Variants in MLLT3 observed in about 807,000 individuals in gnomAD.
MLLT3 encodes protein AF-9.
A neutral mutation model predicts 53.2 loss-of-function variants in MLLT3; 4 were observed. That is an observed-to-expected ratio of 0.08 (90% CI 0.04 to 0.17). The LOEUF is 0.17. Ranked by LOEUF, MLLT3 falls within the 10% of genes least tolerant of loss-of-function variation. The pLI is 1.00. For missense variants in MLLT3, 569 were observed against 684.0 expected (o/e 0.83, Z 1.87); for synonymous variants, 283 against 230.6 (o/e 1.23, Z -2.06).
At chr9:20,533,692 T>C (rs2118999635) in intron 2 of MLLT3, among the ~76,000 whole-genome samples, 1 of 152,322 alleles carries the variant, frequency 6.6e-6, no homozygotes, top group South Asian at 2.1e-4. Context: ...CTGTGATACA[T>C]ATAAGCAACA....
chr9:20,365,344 GTTTTC>G (rs1821423499), intron 6 of MLLT3, among the ~76,000 whole-genome samples: 2 of 151,826 alleles, frequency 1.3e-5, no homozygotes, highest in South Asian at 2.1e-4. Flanking sequence ...GTTTTGTTTT[GTTTTC>G]TTTTTTTTGA....
At chr9:20,576,377 TG>T (rs1396890016) in intron 2 of MLLT3, among the ~76,000 whole-genome samples, 3 of 152,226 alleles carry the variant, frequency 2.0e-5, no homozygotes, top group African/African-American at 7.2e-5. Flanking sequence ...GAACTTTTCC[TG>T]TGCATTCTTA....
intron 2 of MLLT3, among the ~76,000 whole-genome samples, chr9:20,557,298 A>T (rs1302330397): frequency 1.3e-5 from 2 of 152,106 alleles, no homozygotes; most frequent in African/African-American, 4.8e-5. Flanking sequence ...ATGTGGTAGC[A>T]GGTTACCTGG....
At chr9:20,612,517 C>T (rs2780841) in intron 2 of MLLT3, among the ~76,000 whole-genome samples, 53,798 of 151,364 alleles carry the variant, frequency 0.36, 10,839 homozygotes, top group African/African-American at 0.56. Flanking sequence ...TTGCATATGG[C>T]AAAAAGATAC....
chr9:20,588,512 T>C (rs969606760), intron 2 of MLLT3, among the ~76,000 whole-genome samples: 2 of 152,192 alleles, frequency 1.3e-5, no homozygotes, highest in African/African-American at 4.8e-5. Flanking sequence ...ACCCCTTTTA[T>C]TTCCTTGAGC....
intron 2 of MLLT3, among the ~76,000 whole-genome samples, chr9:20,543,068 C>T (rs1818684031): frequency 6.6e-6 from 1 of 152,232 alleles, no homozygotes; most frequent in South Asian, 2.1e-4. Context: ...AGATTTAGGG[C>T]CTTGCTCTGG....
chr9:20,605,423 T>A (rs971869183), intron 2 of MLLT3, among the ~76,000 whole-genome samples: 2 of 151,990 alleles, frequency 1.3e-5, no homozygotes, highest in Non-Finnish European at 2.9e-5. Context: ...AGAATGTGAA[T>A]AACGGAAACA....
At chr9:20,507,656 G>C (rs566591215) in intron 2 of MLLT3, among the ~76,000 whole-genome samples, 1 of 149,262 alleles carries the variant, frequency 6.7e-6, no homozygotes, top group East Asian at 2.0e-4. Flanking sequence ...GCAAGAATTT[G>C]CTTATTAACT....
chr9:20,564,513 C>T (rs1370756479), intron 2 of MLLT3, among the ~76,000 whole-genome samples: 3 of 152,134 alleles, frequency 2.0e-5, no homozygotes, highest in Non-Finnish European at 4.4e-5. Flanking sequence ...CGTTCTCCAG[C>T]CTCACCTACT....
At position 20,412,573 on chromosome 9, in the gene MLLT3, A is replaced by C. The variant is rs919070856; in HGVS notation, c.1125+1148T>G. Among the ~76,000 whole-genome samples the C allele has an allele frequency of 1.1e-4, 16 of 152,168 alleles. 1 individual carries two copies. The highest frequency in any genetic ancestry group is 3.9e-4 in the African/African-American group (16 of 41,448). Reference sequence around the variant, plus strand: ...AACCCGGCACAGCAAATCTGCTACTATGCCCTCCTAGCCTTTGCCAGCATT... The same window carrying C: ...AACCCGGCACAGCAAATCTGCTACTCTGCCCTCCTAGCCTTTGCCAGCATT... On this transcript the variant is annotated intron_variant, in intron 5 of 10. Coordinates refer to ENST00000380338, the MANE Select transcript of MLLT3 (RefSeq NM_004529.4).
At chr9:20,488,817 G>A (rs915126373) in intron 2 of MLLT3, among the ~76,000 whole-genome samples, 1 of 152,164 alleles carries the variant, frequency 6.6e-6, no homozygotes, top group African/African-American at 2.4e-5. Context: ...TTAAAGATCA[G>A]ATAAATGGTG....
intron 2 of MLLT3, among the ~76,000 whole-genome samples, chr9:20,580,948 A>G (rs1167382273): frequency 6.6e-6 from 1 of 152,198 alleles, no homozygotes; most frequent in East Asian, 1.9e-4. Context: ...AACCTACATT[A>G]TATTCCAAAC....
chr9:20,490,282 A>G (rs569506798), intron 2 of MLLT3, among the ~76,000 whole-genome samples: 11 of 152,252 alleles, frequency 7.2e-5, no homozygotes, highest in Non-Finnish European at 1.5e-4. Flanking sequence ...GATTATCCAG[A>G]TGGTCCTAAT....
intron 2 of MLLT3, among the ~76,000 whole-genome samples, chr9:20,468,116 C>G (rs898650884): frequency 1.3e-5 from 2 of 152,194 alleles, no homozygotes; most frequent in Non-Finnish European, 2.9e-5. Flanking sequence ...CTCCTATAAA[C>G]TGTAAGAGGT....
At chr9:20,477,011 T>C (rs1289249144) in intron 2 of MLLT3, among the ~76,000 whole-genome samples, 3 of 152,268 alleles carry the variant, frequency 2.0e-5, no homozygotes, top group East Asian at 1.9e-4. Flanking sequence ...TATAAATAGT[T>C]TGACAGACAG....
chr9:20,616,666 G>T (rs1357443703), intron 2 of MLLT3, among the ~76,000 whole-genome samples: 1 of 152,100 alleles, frequency 6.6e-6, no homozygotes, highest in Admixed American at 6.5e-5. Flanking sequence ...AGATCACAAT[G>T]ATTTAGCAAC....
In MLLT3 at chr9:20,344,254, CCCA is replaced by C; in HGVS notation, c.*2186_*2188del. 1 of 198,196 alleles carries C rather than the reference CCCA, an allele frequency of 5.0e-6. No individual in the cohort carries two copies. The highest frequency in any genetic ancestry group is 1.0e-5 in the Non-Finnish European group (1 of 96,120). 12.3% of individuals were successfully genotyped at this position (198,196 alleles called of 1,614,324 possible). A position where few individuals can be genotyped will look rare whatever the true frequency, so the allele number is the denominator to read the frequency against. On this transcript the variant is annotated 3_prime_UTR_variant, in exon 11 of 11. Transcript: ENST00000380338. Reference sequence around the variant, plus strand: ...TACATTGGCAAATCATATTTTTTGCCCCACAATTTAGTTACAGAAATAAAAATG... The same window carrying C: ...TACATTGGCAAATCATATTTTTTGCCCAATTTAGTTACAGAAATAAAAATG...
At chr9:20,498,085 T>G (rs1825122737) in intron 2 of MLLT3, among the ~76,000 whole-genome samples, 1 of 151,424 alleles carries the variant, frequency 6.6e-6, no homozygotes, top group Non-Finnish European at 1.5e-5. Flanking sequence ...TAGCTGGGCG[T>G]GGTGGCATGC....
intron 5 of MLLT3, among the ~76,000 whole-genome samples, chr9:20,377,323 T>A (rs1821793264): frequency 6.6e-6 from 1 of 152,184 alleles, no homozygotes; most frequent in South Asian, 2.1e-4. Flanking sequence ...AAAATCACTT[T>A]TGTCTTCTCA....
Sources: gnomAD v4.1 joint callset for allele counts (sites outside exome capture counted in the v4.1 genomes callset) on GRCh38, gnomAD v4.1.1 for gene constraint, MANE v1.5 for transcripts, NCBI Gene and HGNC (gene_info 2026-07-23, HGNC 2026-07-21) for gene names.